RPS6KC1: variants seen among roughly 807,000 people sequenced by gnomAD.
RPS6KC1 encodes inactive ribosomal protein S6 kinase delta-1.
A neutral mutation model predicts 103.8 loss-of-function variants in RPS6KC1; 54 were observed. The observed-to-expected ratio is 0.52, with a 90% CI of 0.42 to 0.65. RPS6KC1 has a LOEUF of 0.65. Among genes scored for constraint, RPS6KC1 ranks in the 30% least tolerant of loss-of-function variants. RPS6KC1 has a pLI of 0.00. For synonymous variants in RPS6KC1, 439 were observed against 438.7 expected (o/e 1.00, Z -0.01); for missense variants, 1,151 against 1,253.8 (o/e 0.92, Z 1.24).
chr1:213,208,634 A>G (rs1355289936), intron 8 of RPS6KC1, among the ~76,000 whole-genome samples: 1 of 151,974 alleles, frequency 6.6e-6, no homozygotes. Context: ...CTGCTCAGGG[A>G]GTTAGTTTAA....
chr1:213,188,152 C>T (rs1055976455), intron 8 of RPS6KC1, among the ~76,000 whole-genome samples: 4 of 152,174 alleles, frequency 2.6e-5, no homozygotes, highest in Non-Finnish European at 1.5e-5. Context: ...GTCTTTGTCT[C>T]TGCCTGTCCT....
At chr1:213,196,605 A>G (rs1041187730) in intron 8 of RPS6KC1, among the ~76,000 whole-genome samples, 1 of 152,154 alleles carries the variant, frequency 6.6e-6, no homozygotes, top group African/African-American at 2.4e-5. Context: ...TAGAATTTTT[A>G]TGGTTTCGGG....
the RPS6KC1 span, among the ~76,000 whole-genome samples, chr1:213,538,103 A>G: frequency 1.3e-5 from 2 of 152,120 alleles, no homozygotes; most frequent in African/African-American, 4.8e-5. Context: ...CATTAAGAGG[A>G]TAGGTCAGCT....
the RPS6KC1 span, among the ~76,000 whole-genome samples, chr1:213,788,560 C>T: frequency 6.6e-6 from 1 of 152,038 alleles, no homozygotes; most frequent in Non-Finnish European, 1.5e-5. Flanking sequence ...ACCCTGGGCA[C>T]ACATTTATCA....
chr1:213,788,140 C>T, the RPS6KC1 span, among the ~76,000 whole-genome samples: 1 of 152,178 alleles, frequency 6.6e-6, no homozygotes, highest in Non-Finnish European at 1.5e-5. Context: ...ACTGACTTAA[C>T]AGCACATTGG....
intron 12 of RPS6KC1, among the ~76,000 whole-genome samples, chr1:213,259,734 A>ATTTTTTTTTTTTTTTTTTTTTTTTTATT (rs71147063): frequency 1.0e-5 from 1 of 97,918 alleles, no homozygotes; most frequent in Non-Finnish European, 1.9e-5. Flanking sequence ...TGTTTTTTTA[A>ATTTTTTTTTTTTTTTTTTTTTTTTTATT]TTTTTTTTTT....
chr1:213,248,623 G>T (rs987313680), intron 12 of RPS6KC1, among the ~76,000 whole-genome samples: 1 of 152,130 alleles, frequency 6.6e-6, no homozygotes, highest in Non-Finnish European at 1.5e-5. Context: ...TCTAGGCAAG[G>T]CCCTTGTGGT....
the RPS6KC1 span, among the ~76,000 whole-genome samples, chr1:213,682,215 C>T: frequency 1.3e-5 from 2 of 152,192 alleles, no homozygotes; most frequent in Non-Finnish European, 2.9e-5. Flanking sequence ...GCCTCTCTTT[C>T]TGCCTCTGTG....
chr1:213,650,028 T>C, the RPS6KC1 span, among the ~76,000 whole-genome samples: 1 of 152,190 alleles, frequency 6.6e-6, no homozygotes, highest in Admixed American at 6.5e-5. Context: ...ATGAGGAAAC[T>C]GAGGCTCAAA....
the RPS6KC1 span, among the ~76,000 whole-genome samples, chr1:213,836,870 T>C: frequency 6.6e-6 from 1 of 152,168 alleles, no homozygotes; most frequent in Non-Finnish European, 1.5e-5. Context: ...GGGACTCTGG[T>C]GATTTCAGTC....
the RPS6KC1 span, among the ~76,000 whole-genome samples, chr1:213,509,591 A>T: frequency 6.6e-6 from 1 of 152,256 alleles, no homozygotes; most frequent in African/African-American, 2.4e-5. Flanking sequence ...TACACTTCAC[A>T]TAACTTTAAT....
the RPS6KC1 span, among the ~76,000 whole-genome samples, chr1:213,354,238 AG>A: frequency 6.6e-6 from 1 of 152,226 alleles, no homozygotes; most frequent in South Asian, 2.1e-4. Context: ...CGAAGCTCTT[AG>A]CATCACCTGG....
At chr1:213,076,612 A>G (rs2079361736) in intron 2 of RPS6KC1, among the ~76,000 whole-genome samples, 1 of 151,774 alleles carries the variant, frequency 6.6e-6, no homozygotes, top group Non-Finnish European at 1.5e-5. Flanking sequence ...TTTCTTTACA[A>G]AGTGGTTTTT....
chr1:213,798,477 G>T, the RPS6KC1 span, among the ~76,000 whole-genome samples: 2 of 152,160 alleles, frequency 1.3e-5, no homozygotes, highest in African/African-American at 4.8e-5. Context: ...GGCTGGAGGC[G>T]GATAGGGTAC....
At chr1:213,409,839 G>T in the RPS6KC1 span, among the ~76,000 whole-genome samples, 4 of 152,198 alleles carry the variant, frequency 2.6e-5, no homozygotes, top group African/African-American at 9.7e-5. Flanking sequence ...GGGAAAGACA[G>T]ACAGGTGATT....
Position 213,051,457 on chromosome 1 carries a change from C to T in RPS6KC1, c.53C>T (p.Thr18Ile), listed in dbSNP as rs1306903908. 1.2e-6 allele frequency: 2 copies of T among 1,613,574 alleles called. No homozygotes were observed. The highest frequency in any genetic ancestry group is 8.5e-7 in the Non-Finnish European group (1 of 1,179,826). ...SADLARFYTVTEPQRHPRGYT... is the reference protein window; with the variant it reads ...SADLARFYTVIEPQRHPRGYT... ...GACCTGGCCCGTTTCTACACTGTCA[C>T]CGAGCCCCAGCGACACCCGAGGGGC... is the stretch of plus-strand genomic sequence containing the variant. Residue 18 changes from threonine to isoleucine, a missense_variant, in exon 1 of 15, where the codon ACC (threonine) becomes ATC (isoleucine). By Grantham distance (89) the Thr-to-Ile change is moderately conservative. Transcript: ENST00000366960.
chr1:213,431,645 GTT>G, the RPS6KC1 span, among the ~76,000 whole-genome samples: 44 of 136,344 alleles, frequency 3.2e-4, no homozygotes, highest in East Asian at 3.2e-3. Flanking sequence ...GTATTCCATT[GTT>G]TGTGTGTATG....
the RPS6KC1 span, among the ~76,000 whole-genome samples, chr1:213,635,536 G>C: frequency 3.9e-5 from 6 of 152,256 alleles, no homozygotes; most frequent in South Asian, 1.2e-3. Flanking sequence ...TATCTCAATA[G>C]ATGCAGAAAA....
intron 8 of RPS6KC1, among the ~76,000 whole-genome samples, chr1:213,202,249 A>G (rs1230221082): frequency 6.6e-6 from 1 of 152,110 alleles, no homozygotes; most frequent in Admixed American, 6.6e-5. Context: ...ATCATTATTC[A>G]TTAAACTTCC....
Sources: gnomAD v4.1 joint callset for allele counts (sites outside exome capture counted in the v4.1 genomes callset) on GRCh38, gnomAD v4.1.1 for gene constraint, MANE v1.5 for transcripts, NCBI Gene and HGNC (gene_info 2026-07-23, HGNC 2026-07-21) for gene names.